Variants in FBXO42 observed in about 807,000 individuals in gnomAD.
FBXO42 encodes the protein F-box only protein 42.
FBXO42 carries 12 observed loss-of-function variants against 71.7 expected under a neutral mutation model. The ratio of observed to expected loss-of-function variants is 0.17; its 90% confidence interval spans 0.11 to 0.27. The LOEUF (loss-of-function observed/expected upper bound fraction) is 0.27. FBXO42 is among the 10% of genes least tolerant of loss of function. The pLI is 1.00. For synonymous variants in FBXO42, 325 were observed against 327.5 expected, an observed-to-expected ratio of 0.99 and a Z score of 0.08; for missense variants, 707 against 911.9, an observed-to-expected ratio of 0.78 and a Z score of 2.89.
At chr1:16,344,904 G>C (rs973782931) in intron 1 of FBXO42, among the ~76,000 whole-genome samples, 5 of 151,880 alleles carry the variant, frequency 3.3e-5, no homozygotes, top group African/African-American at 1.2e-4. Flanking sequence ...TTTGAGACCA[G>C]CCTGGCCAAC....
At chr1:16,296,649 C>CAAAAAAAA (rs58537213) in intron 3 of FBXO42, among the ~76,000 whole-genome samples, 4 of 91,334 alleles carry the variant, frequency 4.4e-5, no homozygotes, top group African/African-American at 1.6e-4. Flanking sequence ...GACTCCATCT[C>CAAAAAAAA]AAAAAAAAAA....
At chr1:16,301,057 C>T (rs2082188182) in intron 3 of FBXO42, among the ~76,000 whole-genome samples, 1 of 151,946 alleles carries the variant, frequency 6.6e-6, no homozygotes, top group Non-Finnish European at 1.5e-5. Context: ...GCCCACCACG[C>T]CCAGCTAATT....
At chr1:16,329,033 G>C (rs2082473664) in intron 1 of FBXO42, among the ~76,000 whole-genome samples, 1 of 151,662 alleles carries the variant, frequency 6.6e-6, no homozygotes, top group African/African-American at 2.4e-5. Context: ...CATGGTGGCG[G>C]GTGCCTGTAA....
At chr1:16,271,302 T>TGTGTGTGTGTGTGTGTG (rs1569838041) in intron 4 of FBXO42, among the ~76,000 whole-genome samples, 1 of 140,686 alleles carries the variant, frequency 7.1e-6, no homozygotes, top group African/African-American at 2.7e-5. Flanking sequence ...TGTGTGTGTG[T>TGTGTGTGTGTGTGTGTG]TGGCATCTAA....
intron 1 of FBXO42, among the ~76,000 whole-genome samples, chr1:16,348,926 AAAAC>A (rs1218845886): frequency 4.6e-5 from 7 of 152,224 alleles, no homozygotes; most frequent in African/African-American, 1.7e-4. Context: ...TTACAAAACA[AAAAC>A]AAAAAAGCAT....
At chr1:16,334,215 T>C (rs2082528303) in intron 1 of FBXO42, among the ~76,000 whole-genome samples, 1 of 151,850 alleles carries the variant, frequency 6.6e-6, no homozygotes, top group African/African-American at 2.4e-5. Context: ...GGGCAGATCA[T>C]GAGGTCAGGA....
chr1:16,305,695 T>C (rs529096150), intron 3 of FBXO42, 108 bp downstream of exon 3: 35 of 911,240 alleles, frequency 3.8e-5, no homozygotes, highest in Non-Finnish European at 4.9e-5. Flanking sequence ...GCTTGGGTGA[T>C]AGAGTGAGAC....
At chr1:16,273,171 G>A (rs1032936640) in intron 4 of FBXO42, among the ~76,000 whole-genome samples, 7 of 152,168 alleles carry the variant, frequency 4.6e-5, no homozygotes, top group African/African-American at 1.7e-4. Flanking sequence ...GGCAACTGGG[G>A]TTAAACAACC....
intron 4 of FBXO42, among the ~76,000 whole-genome samples, chr1:16,275,605 C>T (rs1411192439): frequency 6.6e-6 from 1 of 151,986 alleles, no homozygotes; most frequent in Non-Finnish European, 1.5e-5. Flanking sequence ...GGACAAAAAG[C>T]TAGACCCTGT....
intron 1 of FBXO42, among the ~76,000 whole-genome samples, chr1:16,322,923 G>A (rs1557601739): frequency 6.6e-6 from 1 of 152,152 alleles, no homozygotes; most frequent in Non-Finnish European, 1.5e-5. Flanking sequence ...GAATGAAACT[G>A]CTATGCATTT....
chr1:16,273,621 C>T (rs576360444), intron 4 of FBXO42, among the ~76,000 whole-genome samples: 14 of 151,922 alleles, frequency 9.2e-5, no homozygotes, highest in African/African-American at 3.4e-4. Context: ...TGGCTTATGC[C>T]TGTAATCGTA....
intron 1 of FBXO42, among the ~76,000 whole-genome samples, chr1:16,326,804 C>T (rs11260727): frequency 0.09 from 13,702 of 152,072 alleles, 687 homozygotes; most frequent in Non-Finnish European, 0.1. Flanking sequence ...TTTCATTACT[C>T]ACATAATTTA....
chr1:16,305,604 T>G (rs1233986162), intron 3 of FBXO42, among the ~76,000 whole-genome samples, 199 bp downstream of exon 3: 1 of 152,084 alleles, frequency 6.6e-6, no homozygotes, highest in African/African-American at 2.4e-5. Context: ...GTCCTCATAC[T>G]CAGGAGGCTG....
intron 4 of FBXO42, among the ~76,000 whole-genome samples, chr1:16,262,963 G>A (rs1232862564): frequency 6.6e-6 from 1 of 151,584 alleles, no homozygotes; most frequent in African/African-American, 2.4e-5. Flanking sequence ...TGCCCGCCTC[G>A]GCCTCCCAAA....
At chr1:16,263,790 C>T (rs2081741596) in intron 4 of FBXO42, among the ~76,000 whole-genome samples, 1 of 150,488 alleles carries the variant, frequency 6.6e-6, no homozygotes, top group South Asian at 2.1e-4. Context: ...AACAAAAAAC[C>T]CACGGCCATA....
chr1:16,331,686 G>A (rs374422224), intron 1 of FBXO42, among the ~76,000 whole-genome samples: 1 of 151,022 alleles, frequency 6.6e-6, no homozygotes, highest in Non-Finnish European at 1.5e-5. Context: ...CTAGGGAGGC[G>A]GAGGTTTCAG....
chr1:16,257,683 C>CT (rs1230724993), intron 4 of FBXO42, among the ~76,000 whole-genome samples: 3 of 151,936 alleles, frequency 2.0e-5, no homozygotes, highest in Admixed American at 2.0e-4. Flanking sequence ...TACCAGAATA[C>CT]TTTTTTTTTC....
At chr1:16,342,909 G>A (rs1422398403) in intron 1 of FBXO42, among the ~76,000 whole-genome samples, 2 of 151,970 alleles carry the variant, frequency 1.3e-5, no homozygotes, top group South Asian at 2.1e-4. Flanking sequence ...CATCCCCAAC[G>A]TTTCCCCTAT....
At chr1:16,279,694 A>G (rs1338189878) in intron 4 of FBXO42, among the ~76,000 whole-genome samples, 1 of 152,202 alleles carries the variant, frequency 6.6e-6, no homozygotes, top group Non-Finnish European at 1.5e-5. Context: ...AAATGGGTAA[A>G]AGAGAATAAC....
Sources: gnomAD v4.1 joint callset for allele counts (sites outside exome capture counted in the v4.1 genomes callset) on GRCh38, gnomAD v4.1.1 for gene constraint, MANE v1.5 for transcripts, NCBI Gene and HGNC (gene_info 2026-07-23, HGNC 2026-07-21) for gene names.